The following GABRR2 variants were observed in gnomAD, a reference collection of about 807,000 sequenced individuals.
The protein encoded by GABRR2 is gamma-aminobutyric acid receptor subunit rho-2.
In GABRR2, 36 loss-of-function variants were observed where a neutral mutation model predicts 47.0. The ratio of observed to expected loss-of-function variants is 0.77; its 90% CI spans 0.59 to 1.01. GABRR2 has a LOEUF of 1.01. GABRR2 is among the 50% of genes least tolerant of loss of function. GABRR2 has a pLI of 0.00. For synonymous variants in GABRR2, 204 were observed against 227.5 expected (o/e 0.90, Z 0.93); for missense variants, 587 against 594.6 (o/e 0.99, Z 0.13).
chr6:89,287,551 C>T (rs913015923), intron 2 of GABRR2, among the ~76,000 whole-genome samples: 2 of 152,388 alleles, frequency 1.3e-5, no homozygotes, highest in East Asian at 1.9e-4. Flanking sequence ...CCACCTCCAT[C>T]GCCGCCTCGC....
Position 89,269,120 on chromosome 6 carries a change from C to T in GABRR2, c.403G>A (p.Val135Ile), listed in dbSNP as rs1353424065. The change falls in exon 4 of 9, where the codon GTC becomes ATC. Residue 135 changes from valine (V) to isoleucine (I), a missense_variant. Coordinates refer to ENST00000402938, the MANE Select transcript of GABRR2 (RefSeq NM_002043.5). Reference protein sequence around the residue: ...FDGRLVKKIWVPDVFFVHSKR... With the variant: ...FDGRLVKKIWIPDVFFVHSKR... ...GAGTGAACAAAGAAGACATCAGGGA[C>T]CCAGATCTTCTTCACCAGCCGGCCA... 6.2e-7 allele frequency: 1 copy of T among 1,614,010 alleles called. No individual in the cohort carries two copies. The highest frequency in any genetic ancestry group is 8.5e-7 in the Non-Finnish European group (1 of 1,179,896).
At chr6:89,303,715 A>G (rs1474404879) in intron 1 of GABRR2, among the ~76,000 whole-genome samples, 1 of 151,882 alleles carries the variant, frequency 6.6e-6, no homozygotes, top group Non-Finnish European at 1.5e-5. Flanking sequence ...ACTATACTAC[A>G]AGGCTATGGT....
intron 3 of GABRR2, among the ~76,000 whole-genome samples, chr6:89,271,179 C>T (rs1159426841): frequency 1.3e-5 from 2 of 152,106 alleles, no homozygotes; most frequent in Non-Finnish European, 2.9e-5. Context: ...GCACACCTCT[C>T]CACTGTGAGC....
intron 3 of GABRR2, among the ~76,000 whole-genome samples, chr6:89,269,666 C>T (rs1416972745): frequency 6.6e-6 from 1 of 152,156 alleles, no homozygotes; most frequent in Non-Finnish European, 1.5e-5. Flanking sequence ...GGATTCTTGC[C>T]GTTAGGCTTA....
At chr6:89,274,181 T>C (rs138079512) in intron 2 of GABRR2, among the ~76,000 whole-genome samples, 8 of 152,392 alleles carry the variant, frequency 5.2e-5, no homozygotes, top group African/African-American at 1.9e-4. Context: ...ATCAGTGCTC[T>C]GGAGGTATTG....
chr6:89,276,388 A>G (rs1774160249), intron 2 of GABRR2, among the ~76,000 whole-genome samples: 1 of 152,088 alleles, frequency 6.6e-6, no homozygotes, highest in Admixed American at 6.5e-5. Flanking sequence ...GAATCAATAT[A>G]AATTTCCACA....
chr6:89,301,947 T>C, intron 1 of GABRR2: 8 of 925,794 alleles, frequency 8.6e-6, no homozygotes, highest in Admixed American at 3.5e-5. Flanking sequence ...ACGAGGCCTC[T>C]TCTCATAAGT....
chr6:89,306,602 G>A (rs1475118759), intron 1 of GABRR2, among the ~76,000 whole-genome samples: 3 of 152,162 alleles, frequency 2.0e-5, no homozygotes, highest in African/African-American at 7.2e-5. Flanking sequence ...ACCCAGAGCT[G>A]GAGCCCAGGA....
intron 1 of GABRR2, among the ~76,000 whole-genome samples, chr6:89,304,912 C>T (rs1054714542): frequency 6.6e-6 from 1 of 152,200 alleles, no homozygotes; most frequent in Admixed American, 6.5e-5. Flanking sequence ...ACAGAACTAC[C>T]ATTCTACCCA....
At chr6:89,302,101 G>T (rs886145093) in intron 1 of GABRR2, 1 of 621,132 alleles carries the variant, frequency 1.6e-6, no homozygotes, top group Admixed American at 2.2e-5. Flanking sequence ...GTCACTACAC[G>T]GAGGGTGCGG....
At chr6:89,261,807 G>A (rs1051793621) in intron 8 of GABRR2, among the ~76,000 whole-genome samples, 8 of 152,162 alleles carry the variant, frequency 5.3e-5, no homozygotes, top group Admixed American at 5.2e-4. Flanking sequence ...GGAGGCCAAG[G>A]TGGGCAGATG....
intron 2 of GABRR2, among the ~76,000 whole-genome samples, chr6:89,278,994 A>G (rs1774213697): frequency 6.6e-6 from 1 of 152,182 alleles, no homozygotes; most frequent in Non-Finnish European, 1.5e-5. Context: ...CCAGTGGTTG[A>G]GGGGCCTCTG....
At chr6:89,302,633 C>A in intron 1 of GABRR2, 2 of 1,266,648 alleles carry the variant, frequency 1.6e-6, no homozygotes, top group Non-Finnish European at 2.2e-6. Context: ...CCGAGCTCAC[C>A]CCTCAGATGT....
chr6:89,280,021 C>T (rs1400485822), intron 2 of GABRR2, among the ~76,000 whole-genome samples: 1 of 151,768 alleles, frequency 6.6e-6, no homozygotes, highest in African/African-American at 2.4e-5. Context: ...ACTAGCCTGG[C>T]CAACATGGCA....
Position 89,302,698 on chromosome 6 carries a change from C to T in GABRR2, c.114-2833G>A, listed in dbSNP as rs552245374. 7.4e-5 allele frequency: 98 copies of T among 1,329,514 alleles called. No homozygotes were observed. In the African/African-American group the frequency reaches 1.4e-3, roughly 19 times the overall value. The allele number at this position is 1,329,514 out of a possible 1,614,324, so 82.4% of individuals were successfully genotyped here. A position where few individuals can be genotyped will look rare whatever the true frequency, so the allele number is the denominator to read the frequency against. ...GACCGGCACCACGGCTGCTACCTGG[C>T]AGTGGCCACCGTGTTCCGGGGCTGC... On this transcript the variant is annotated intron_variant, in intron 1 of 8. Transcript: ENST00000402938.
chr6:89,272,967 C>T (rs72921689), intron 2 of GABRR2, among the ~76,000 whole-genome samples: 3,534 of 152,284 alleles, frequency 0.023, 58 homozygotes, highest in Non-Finnish European at 0.039. Flanking sequence ...TCCCCCACGG[C>T]TCCCCATAGG....
chr6:89,288,219 A>C (rs1411704329), intron 2 of GABRR2, among the ~76,000 whole-genome samples: 3 of 152,076 alleles, frequency 2.0e-5, no homozygotes, highest in Non-Finnish European at 4.4e-5. Context: ...GATCACAGAG[A>C]AACCAGAGAG....
In GABRR2 at chr6:89,291,553, G is replaced by A. The variant is rs185958567; in HGVS notation, c.220+8206C>T. 1.8e-3 allele frequency among the ~76,000 whole-genome samples: 267 copies of A among 151,776 alleles called. 1 individual carries two copies. Among genetic ancestry groups the A allele is most frequent in the Non-Finnish European group, 3.3e-3 (226 of 67,956 alleles). On this transcript the variant is annotated intron_variant, in intron 2 of 8. Coordinates refer to ENST00000402938, the MANE Select transcript of GABRR2 (RefSeq NM_002043.5). ...ACACTTCGCTGCTTCCTGCTCCGGG[G>A]TATACCCTTCTTCTTGCCTTTTCCT...
chr6:89,309,590 T>A (rs10944439), intron 1 of GABRR2, among the ~76,000 whole-genome samples: 67,179 of 151,952 alleles, frequency 0.44, 15,800 homozygotes, highest in African/African-American at 0.61. Flanking sequence ...TGTTTAAGAC[T>A]TTTTTTAGAG....
Sources: allele counts gnomAD v4.1 joint callset (sites outside exome capture counted in the v4.1 genomes callset), GRCh38; gene constraint gnomAD v4.1.1; transcripts MANE v1.5; gene names NCBI Gene and HGNC (gene_info 2026-07-23, HGNC 2026-07-21).